The following ADAMTS17 variants were observed in gnomAD, a reference collection of about 807,000 sequenced individuals.
ADAMTS17 encodes A disintegrin and metalloproteinase with thrombospondin motifs 17.
In ADAMTS17, 113 loss-of-function variants were observed where a neutral mutation model predicts 141.5. The observed-to-expected ratio is 0.80, with a 90% CI of 0.69 to 0.93. The LOEUF (loss-of-function observed/expected upper bound fraction) is 0.93. Ranked by LOEUF, ADAMTS17 falls within the 40% of genes least tolerant of loss-of-function variation. The pLI, the probability that ADAMTS17 is intolerant of heterozygous loss-of-function variation, is 0.00. For missense variants in ADAMTS17, 1,659 were observed against 1,517.9 expected, an observed-to-expected ratio of 1.09 and a Z score of -1.54; for synonymous variants, 768 against 630.6, an observed-to-expected ratio of 1.22 and a Z score of -3.27.
At chr15:100,068,687 G>A (rs2033740646) in intron 15 of ADAMTS17, among the ~76,000 whole-genome samples, 1 of 152,206 alleles carries the variant, frequency 6.6e-6, no homozygotes, top group Admixed American at 6.5e-5. Flanking sequence ...CTGTAGCTGA[G>A]GGTCCTGACT....
At chr15:100,255,879 A>C (rs948508781) in intron 6 of ADAMTS17, among the ~76,000 whole-genome samples, 2 of 152,248 alleles carry the variant, frequency 1.3e-5, no homozygotes, top group East Asian at 3.9e-4. Flanking sequence ...GAGGGGAAAC[A>C]GTCAGTCTCA....
intron 7 of ADAMTS17, among the ~76,000 whole-genome samples, chr15:100,227,409 G>A (rs997332367): frequency 6.6e-6 from 1 of 152,270 alleles, no homozygotes; most frequent in Middle Eastern, 3.4e-3. Context: ...ATGTCAATAT[G>A]GAGATCTCAG....
At chr15:100,116,533 T>C (rs1357709970) in intron 13 of ADAMTS17, among the ~76,000 whole-genome samples, 1 of 152,226 alleles carries the variant, frequency 6.6e-6, no homozygotes, top group African/African-American at 2.4e-5. Context: ...TCTCCTCAGC[T>C]CGTCCTGGGT....
chr15:100,096,618 A>T, intron 14 of ADAMTS17, 142 bp from the exon 15 acceptor site: 1 of 1,063,376 alleles, frequency 9.4e-7, no homozygotes, highest in Non-Finnish European at 1.4e-6. Context: ...CCAAGAAAAT[A>T]TTTTAATTCA....
At chr15:100,334,900 TC>T (rs2046162970) in intron 2 of ADAMTS17, among the ~76,000 whole-genome samples, 1 of 152,092 alleles carries the variant, frequency 6.6e-6, no homozygotes, top group South Asian at 2.1e-4. Flanking sequence ...CGTGTGGTCT[TC>T]CTTCCTTTCT....
intron 5 of ADAMTS17, among the ~76,000 whole-genome samples, 156 bp downstream of exon 5, chr15:100,262,196 G>A (rs539239642): frequency 2.0e-5 from 3 of 152,154 alleles, no homozygotes; most frequent in South Asian, 2.1e-4. Context: ...CCATGCTTCC[G>A]GTACTGATGC....
intron 18 of ADAMTS17, among the ~76,000 whole-genome samples, chr15:99,999,210 A>C (rs989689372): frequency 5.9e-5 from 9 of 152,194 alleles, no homozygotes; most frequent in African/African-American, 1.9e-4. Context: ...TGAAGCTTAC[A>C]TTCTGAGGGG....
rs906070663 is a variant in ADAMTS17 at position 100,247,923 on chromosome 15, C to G, written c.1075+6213G>C. 2.0e-5 allele frequency among the ~76,000 whole-genome samples: 3 copies of G among 152,162 alleles called. No individual in the cohort carries two copies. In the East Asian group the frequency reaches 5.8e-4, roughly 29 times the overall value. On this transcript the variant is annotated intron_variant, in intron 7 of 21. Transcript: ENST00000268070. Reference sequence around the variant, plus strand: ...CTCCACCCACACGCTCTTCCTCACACCGGAAGGGCAGTGGGCACGTCTACC... The same window carrying G: ...CTCCACCCACACGCTCTTCCTCACAGCGGAAGGGCAGTGGGCACGTCTACC...
At chr15:100,042,940 T>C (rs1353689086) in intron 18 of ADAMTS17, among the ~76,000 whole-genome samples, 1 of 152,208 alleles carries the variant, frequency 6.6e-6, no homozygotes, top group Non-Finnish European at 1.5e-5. Context: ...AATACATATA[T>C]ATATGTATAT....
chr15:99,983,962 G>A (rs181669545), intron 20 of ADAMTS17, among the ~76,000 whole-genome samples: 12 of 152,212 alleles, frequency 7.9e-5, no homozygotes, highest in Admixed American at 5.2e-4. Context: ...GGAAAACCTC[G>A]GAAGCGGTTG....
chr15:100,152,475 T>C (rs1304753932), intron 10 of ADAMTS17, 137 bp downstream of exon 10: 13 of 1,155,554 alleles, frequency 1.1e-5, no homozygotes, highest in Non-Finnish European at 5.0e-6. Context: ...TGTGTGCATA[T>C]ACATGTATAC....
chr15:100,011,375 GC>G (rs1242747562), intron 18 of ADAMTS17, among the ~76,000 whole-genome samples: 18 of 147,012 alleles, frequency 1.2e-4, no homozygotes, highest in East Asian at 2.0e-4. Context: ...AGAAGGAAAG[GC>G]AGTAAGGACA....
At chr15:100,193,650 G>A (rs1298314602) in intron 8 of ADAMTS17, among the ~76,000 whole-genome samples, 1 of 152,114 alleles carries the variant, frequency 6.6e-6, no homozygotes, top group Non-Finnish European at 1.5e-5. Context: ...GGTGACGCTG[G>A]GCCACTGCAT....
At chr15:100,178,966 A>G (rs1238173504) in intron 8 of ADAMTS17, among the ~76,000 whole-genome samples, 1 of 151,738 alleles carries the variant, frequency 6.6e-6, no homozygotes, top group Non-Finnish European at 1.5e-5. Flanking sequence ...TTTTTTTCCT[A>G]ATTTCTGTGG....
chr15:100,176,147 A>G lies in ADAMTS17; in HGVS notation c.1182-20827T>C, dbSNP rs548912930. The stretch of plus-strand genomic sequence containing the variant: ...CCGGTCAGTGGCCAACCACTCTCCA[A>G]TGGGAAAGGAGGCCTAACGACAGCA... On this transcript the variant is annotated intron_variant, in intron 8 of 21. Coordinates refer to ENST00000268070, the MANE Select transcript of ADAMTS17 (RefSeq NM_139057.4). Among the ~76,000 whole-genome samples the G allele has an allele frequency of 3.9e-5, 6 of 152,322 alleles. No homozygotes were observed. In the East Asian group the frequency reaches 1.2e-3, roughly 29 times the overall value.
intron 3 of ADAMTS17, among the ~76,000 whole-genome samples, chr15:100,301,438 C>T (rs2045031540): frequency 6.6e-6 from 1 of 151,800 alleles, no homozygotes; most frequent in Admixed American, 6.6e-5. Flanking sequence ...CATTCTCCTG[C>T]CTCAGCCTCC....
chr15:100,174,720 C>G (rs1055753113), intron 8 of ADAMTS17, among the ~76,000 whole-genome samples: 9 of 152,136 alleles, frequency 5.9e-5, no homozygotes, highest in African/African-American at 2.2e-4. Context: ...ACAACTTGTC[C>G]TCAAACCCTC....
chr15:100,190,357 C>T (rs2040871854), intron 8 of ADAMTS17, among the ~76,000 whole-genome samples: 1 of 152,216 alleles, frequency 6.6e-6, no homozygotes, highest in Non-Finnish European at 1.5e-5. Context: ...AAACTACCAC[C>T]TTCGCACAAA....
intron 18 of ADAMTS17, among the ~76,000 whole-genome samples, chr15:100,037,404 CT>C (rs544467796): frequency 0.054 from 7,764 of 142,520 alleles, 466 homozygotes; most frequent in African/African-American, 0.17. Context: ...TTAGGTATTC[CT>C]TTTTTTTTTT....
Sources: allele counts gnomAD v4.1 joint callset (sites outside exome capture counted in the v4.1 genomes callset), GRCh38; gene constraint gnomAD v4.1.1; transcripts MANE v1.5; gene names NCBI Gene and HGNC (gene_info 2026-07-23, HGNC 2026-07-21).